Variants in TRMT1L observed in about 807,000 individuals in gnomAD.
TRMT1L encodes tRNA methyltransferase 1L, also known as tRNA (guanine(27)-N(2))-dimethyltransferase.
In TRMT1L, 28 loss-of-function variants were observed where a neutral mutation model predicts 81.6. That is an observed-to-expected ratio of 0.34 (90% CI 0.25 to 0.47). The LOEUF is 0.47. Among genes scored for constraint, TRMT1L ranks in the 20% least tolerant of loss-of-function variants. The pLI is 1.00. For synonymous variants in TRMT1L, 301 were observed against 303.2 expected (o/e 0.99, Z 0.07); for missense variants, 739 against 877.1 (o/e 0.84, Z 1.99).
At position 185,139,377 on chromosome 1, in the gene TRMT1L, C is replaced by T. The variant is rs754521537; in HGVS notation, c.1312G>A (p.Ala438Thr). The T allele has an allele frequency of 1.9e-6, 3 of 1,613,084 alleles. No individual in the cohort carries two copies. Among genetic ancestry groups the T allele is most frequent in the Non-Finnish European group, 2.5e-6 (3 of 1,179,386 alleles). Reference sequence around the variant, plus strand: ...TTGGCAATTTGGTACCTTGCCACTGCAGCTACAACAATTCTGGCTGCTAGT... The same window carrying T: ...TTGGCAATTTGGTACCTTGCCACTGTAGCTACAACAATTCTGGCTGCTAGT... ...KELAARIVVA[A>T]VARAAARCNK... Residue 438 changes from alanine (A) to threonine (T), a missense_variant, in exon 9 of 15, where the codon GCA becomes ACA. By Grantham distance (58) the Ala-to-Thr change is moderately conservative. Around this residue, in one of 4 missense-constraint regions of TRMT1L, gnomAD observed 331 missense variants for 462.2 expected, o/e 0.72. Coordinates refer to ENST00000367506, the MANE Select transcript of TRMT1L (RefSeq NM_030934.5).
At chr1:185,127,620 A>G (rs1305956252) in intron 11 of TRMT1L, among the ~76,000 whole-genome samples, 3 of 152,030 alleles carry the variant, frequency 2.0e-5, no homozygotes, top group African/African-American at 4.8e-5. Context: ...TTAGCTGGGC[A>G]TGGTGGCACA....
intron 4 of TRMT1L, 92 bp downstream of exon 4, chr1:185,147,090 A>G (rs1653207291): frequency 1.2e-6 from 1 of 808,748 alleles, no homozygotes; most frequent in African/African-American, 1.7e-5. Flanking sequence ...CACACTGCTG[A>G]ACATACACAT....
Position 185,123,840 on chromosome 1 carries a change from C to T in TRMT1L, c.1822+17G>A, listed in dbSNP as rs372760010. On this transcript the variant is annotated intron_variant, in intron 13 of 14. Transcript: ENST00000367506. ...GACCTGATATGTACATATGTACACA[C>T]ATATATGCATACATACCTTGTGCAA... 1 of 1,457,674 alleles carries T rather than the reference C, an allele frequency of 6.9e-7. No homozygotes were observed. Among genetic ancestry groups the T allele is most frequent in the Non-Finnish European group, 9.2e-7 (1 of 1,087,222 alleles). 90.3% of individuals were successfully genotyped at this position (1,457,674 alleles called of 1,614,324 possible). A position where few individuals can be genotyped will look rare whatever the true frequency, so the allele number is the denominator to read the frequency against.
intron 13 of TRMT1L, among the ~76,000 whole-genome samples, chr1:185,122,219 C>T (rs12566975): frequency 0.57 from 86,050 of 152,046 alleles, 25,580 homozygotes; most frequent in African/African-American, 0.76. Context: ...GTCTTTGCTA[C>T]TGTGAATAGC....
At chr1:185,137,938 T>G (rs2102243309) in intron 9 of TRMT1L, 142 bp from the exon 10 acceptor site, 1 of 701,454 alleles carries the variant, frequency 1.4e-6, no homozygotes, top group East Asian at 2.9e-5. Context: ...AGCAGTGCTT[T>G]TAAAAGATCA....
intron 11 of TRMT1L, 23 bp downstream of exon 11, chr1:185,128,646 T>C (rs1652694229): frequency 1.2e-6 from 2 of 1,604,372 alleles, no homozygotes; most frequent in Non-Finnish European, 1.7e-6. Flanking sequence ...AATTTTAATA[T>C]GTTCTTATGG....
rs1263861799 is a variant in TRMT1L, at chr1:185,118,977, C to CTT, written c.*1040_*1041dup. ...CAAATCCTTGAGACAAAAACCCAAACTTTATACCAAATCCTTTCATCCAAA... is the reference window on the plus strand; with the variant it reads ...CAAATCCTTGAGACAAAAACCCAAACTTTTTATACCAAATCCTTTCATCCAAA... On this transcript the variant is annotated 3_prime_UTR_variant, in exon 15 of 15. Coordinates refer to ENST00000367506, the MANE Select transcript of TRMT1L (RefSeq NM_030934.5). 2 of 150,958 alleles carry CTT rather than the reference C, an allele frequency of 1.3e-5. No homozygotes were observed. Among genetic ancestry groups the CTT allele is most frequent in the Non-Finnish European group, 2.9e-5 (2 of 67,834 alleles). The allele number at this position is 150,958 out of a possible 1,614,324, so 9.4% of individuals were successfully genotyped here.
intron 13 of TRMT1L, among the ~76,000 whole-genome samples, chr1:185,123,062 TTTAAG>T (rs1210117453): frequency 1.6e-4 from 24 of 152,340 alleles, no homozygotes; most frequent in South Asian, 4.1e-4. Context: ...AATGTATCAA[TTTAAG>T]TTATCAAATT....
chr1:185,119,092 T>G lies in TRMT1L; in HGVS notation c.*927A>C, dbSNP rs993755321. 2.0e-5 allele frequency: 3 copies of G among 152,016 alleles called. No homozygotes were observed. Among genetic ancestry groups the G allele is most frequent in the Admixed American group, 6.6e-5 (1 of 15,240 alleles). The allele number at this position is 152,016 out of a possible 1,614,324, so 9.4% of individuals were successfully genotyped here. ...TTATAGTTACATCAGCCTGGGCTAA[T>G]TATACAGAAAATTTATACAAATACA... On this transcript the variant is annotated 3_prime_UTR_variant, in exon 15 of 15. Coordinates refer to ENST00000367506, the MANE Select transcript of TRMT1L (RefSeq NM_030934.5).
At chr1:185,134,070 A>T (rs1652838180) in intron 10 of TRMT1L, among the ~76,000 whole-genome samples, 1 of 152,208 alleles carries the variant, frequency 6.6e-6, no homozygotes, top group Non-Finnish European at 1.5e-5. Context: ...TAAACATGTT[A>T]TTTAGAAATA....
At chr1:185,141,947 T>C (rs928219072) in intron 7 of TRMT1L, among the ~76,000 whole-genome samples, 3 of 152,216 alleles carry the variant, frequency 2.0e-5, no homozygotes, top group African/African-American at 7.2e-5. Flanking sequence ...GGGTACTATT[T>C]AGAAGCTACT....
At chr1:185,139,653 A>C in intron 8 of TRMT1L, 74 bp from the exon 9 acceptor site, 3 of 1,030,710 alleles carry the variant, frequency 2.9e-6, no homozygotes, top group Non-Finnish European at 4.2e-6. Context: ...ATTATTTCTA[A>C]TTATAAAATT....
chr1:185,153,763 C>T (rs1256893736), intron 1 of TRMT1L, among the ~76,000 whole-genome samples: 1 of 151,916 alleles, frequency 6.6e-6, no homozygotes, highest in African/African-American at 2.4e-5. Context: ...TTAGGAGAAA[C>T]TGATATGTAA....
chr1:185,144,235 T>C (rs1329400697), intron 5 of TRMT1L, among the ~76,000 whole-genome samples: 2 of 152,034 alleles, frequency 1.3e-5, no homozygotes, highest in East Asian at 3.8e-4. Flanking sequence ...CAGCACTCTC[T>C]ACAAAAGAGT....
chr1:185,120,552 C>G, intron 13 of TRMT1L, 43 bp from the exon 14 acceptor site: 1 of 1,466,322 alleles, frequency 6.8e-7, no homozygotes, highest in Non-Finnish European at 9.0e-7. Context: ...TTAAAAATTA[C>G]AAGCCAAATA....
In TRMT1L at chr1:185,150,391, C is replaced by G; in HGVS notation, c.448G>C (p.Val150Leu). Reference sequence around the variant, plus strand: ...CAAAAATACTAACCTTCAAATTCAACTGAGACTTTCCAGTGTAAATTCTGG... The same window carrying G: ...CAAAAATACTAACCTTCAAATTCAAGTGAGACTTTCCAGTGTAAATTCTGG... ...HLQNLHWKVS[V>L]EFEGYRMCIC... Residue 150 changes from valine to leucine, a missense_variant, in exon 3 of 15, where the codon GTT becomes CTT. Val to Leu is a conservative substitution (Grantham distance 32). This residue lies in a region of TRMT1L where 331 missense variants were observed against 462.2 expected (regional missense o/e 0.72). Transcript: ENST00000367506. The G allele has an allele frequency of 1.2e-6, 2 of 1,611,970 alleles. No individual in the cohort carries two copies. Among genetic ancestry groups the G allele is most frequent in the Non-Finnish European group, 1.7e-6 (2 of 1,178,800 alleles).
At chr1:185,135,465 A>G (rs941558771) in intron 10 of TRMT1L, among the ~76,000 whole-genome samples, 2 of 151,880 alleles carry the variant, frequency 1.3e-5, no homozygotes, top group South Asian at 2.1e-4. Flanking sequence ...AAAATATTTA[A>G]AGCAGCCTCT....
In TRMT1L at chr1:185,118,697, G is replaced by C. The variant is rs1652421550; in HGVS notation, c.*1322C>G. The C allele has an allele frequency of 6.6e-6, 1 of 151,964 alleles. No homozygotes were observed. Among genetic ancestry groups the C allele is most frequent in the African/African-American group, 2.4e-5 (1 of 41,362 alleles). The allele number at this position is 151,964 out of a possible 1,614,324, so 9.4% of individuals were successfully genotyped here. A position where few individuals can be genotyped will look rare whatever the true frequency, so the allele number is the denominator to read the frequency against. On this transcript the variant is annotated 3_prime_UTR_variant, in exon 15 of 15. Transcript: ENST00000367506. ...TTATGACCACATTAATTGGAGAAAG[G>C]AAAATAAACTCTCTTGGGAATACGC... is the stretch of plus-strand genomic sequence containing the variant.
In TRMT1L at chr1:185,151,671, G is replaced by A. The variant is rs550817032; in HGVS notation, c.346+154C>T. ...TTCCATAGCAACTTTGCACATAAGC[G>A]GTTGCCAATTTCCTGAATAAAAAAC... is the stretch of plus-strand genomic sequence containing the variant. On this transcript the variant is annotated intron_variant, in intron 2 of 14. Coordinates refer to ENST00000367506, the MANE Select transcript of TRMT1L (RefSeq NM_030934.5). 1.2e-4 allele frequency among the ~76,000 whole-genome samples: 19 copies of A among 152,074 alleles called. 1 individual carries two copies. In the South Asian group the frequency reaches 3.5e-3, roughly 28 times the overall value.
Sources: gnomAD v4.1 joint callset for allele counts (sites outside exome capture counted in the v4.1 genomes callset) on GRCh38, gnomAD v4.1.1 for gene constraint, gnomAD v4.1.1 regional missense constraint, MANE v1.5 for transcripts, NCBI Gene and HGNC (gene_info 2026-07-23, HGNC 2026-07-21) for gene names.